The following ROBO1 variants were observed in gnomAD, a reference collection of about 807,000 sequenced individuals.
ROBO1 encodes roundabout guidance receptor 1, also known as roundabout homolog 1.
In ROBO1, 149 loss-of-function variants were observed where a neutral mutation model predicts 195.9. The observed-to-expected ratio is 0.76, with a 90% CI of 0.67 to 0.87. The LOEUF (loss-of-function observed/expected upper bound fraction) is 0.87, where lower values mean the gene tolerates loss of function less well. ROBO1 is among the 40% of genes least tolerant of loss of function. ROBO1 has a pLI of 0.00. For missense variants in ROBO1, 1,933 were observed against 2,068.3 expected, an observed-to-expected ratio of 0.93 and a Z score of 1.27; for synonymous variants, 816 against 733.2, an observed-to-expected ratio of 1.11 and a Z score of -1.82.
In ROBO1 at chr3:78,845,570, A is replaced by C. The variant is rs773296591; in HGVS notation, c.499+93031T>G. Among the ~76,000 whole-genome samples the C allele has an allele frequency of 6.3e-4, 96 of 152,136 alleles. 1 individual carries two copies. Among genetic ancestry groups the C allele is most frequent in the Admixed American group, 1.3e-4 (2 of 15,258 alleles). On this transcript the variant is annotated intron_variant, in intron 4 of 30. Coordinates refer to ENST00000464233, the MANE Select transcript of ROBO1 (RefSeq NM_002941.4). ...AAAAATATTTACTGGAAAGAAATTGAATAAATTATAGAAAATATTTTCATA... is the reference window on the plus strand; with the variant it reads ...AAAAATATTTACTGGAAAGAAATTGCATAAATTATAGAAAATATTTTCATA...
intron 1 of ROBO1, among the ~76,000 whole-genome samples, chr3:79,637,844 T>C (rs551675757): frequency 8.5e-5 from 13 of 152,286 alleles, no homozygotes; most frequent in East Asian, 3.9e-4. Context: ...TCAGGCACTC[T>C]GTGTATTCCA....
At chr3:78,658,274 A>G (rs1407489298) in intron 17 of ROBO1, among the ~76,000 whole-genome samples, 1 of 152,214 alleles carries the variant, frequency 6.6e-6, no homozygotes, top group Non-Finnish European at 1.5e-5. Flanking sequence ...TGATCTATAG[A>G]AAAACATGCT....
At chr3:79,647,583 T>G (rs1415028691) in intron 1 of ROBO1, among the ~76,000 whole-genome samples, 3 of 128,342 alleles carry the variant, frequency 2.3e-5, no homozygotes, top group East Asian at 2.3e-4. Context: ...ATCGGCATCT[T>G]GTAAGTAGAA....
chr3:79,038,337 C>G (rs1470433805), intron 3 of ROBO1, among the ~76,000 whole-genome samples: 3 of 152,148 alleles, frequency 2.0e-5, no homozygotes, highest in African/African-American at 7.2e-5. Flanking sequence ...GGTGACCTCC[C>G]TACAGTTATT....
intron 2 of ROBO1, among the ~76,000 whole-genome samples, chr3:79,409,572 T>A (rs1162302112): frequency 6.6e-6 from 1 of 152,114 alleles, no homozygotes; most frequent in Admixed American, 6.6e-5. Context: ...TCAAGCAAAA[T>A]TGTCTTAGTT....
At chr3:79,617,785 C>T (rs1944871466) in intron 1 of ROBO1, among the ~76,000 whole-genome samples, 2 of 132,236 alleles carry the variant, frequency 1.5e-5, no homozygotes, top group South Asian at 4.8e-4. Context: ...GAGGCCACTG[C>T]ACTCCAGCCT....
intron 2 of ROBO1, among the ~76,000 whole-genome samples, chr3:79,309,709 A>T (rs532558154): frequency 6.6e-6 from 1 of 152,312 alleles, no homozygotes; most frequent in East Asian, 1.9e-4. Flanking sequence ...AAGAGAATTT[A>T]AAAATGTATG....
chr3:79,183,928 C>T (rs1266147585), intron 2 of ROBO1, among the ~76,000 whole-genome samples: 1 of 152,206 alleles, frequency 6.6e-6, no homozygotes, highest in Non-Finnish European at 1.5e-5. Context: ...TCAATAAATA[C>T]ATGCATTTTT....
At chr3:78,673,605 T>TATATACACAC (rs779997525) in intron 10 of ROBO1, among the ~76,000 whole-genome samples, 1 of 53,280 alleles carries the variant, frequency 1.9e-5, no homozygotes, top group Admixed American at 2.8e-4. Context: ...TATATATATA[T>TATATACACAC]ACACACATAT....
At chr3:79,081,420 A>C (rs1303637086) in intron 3 of ROBO1, among the ~76,000 whole-genome samples, 2 of 152,170 alleles carry the variant, frequency 1.3e-5, no homozygotes, top group African/African-American at 4.8e-5. Flanking sequence ...ATCTTTGAGC[A>C]CAATAGTAAA....
At chr3:79,042,151 C>T (rs2078498801) in intron 3 of ROBO1, among the ~76,000 whole-genome samples, 2 of 152,190 alleles carry the variant, frequency 1.3e-5, no homozygotes, top group Admixed American at 1.3e-4. Context: ...CACATACATA[C>T]AGGTCCCAGA....
At chr3:79,185,606 C>T (rs765914080) in intron 2 of ROBO1, among the ~76,000 whole-genome samples, 5 of 152,040 alleles carry the variant, frequency 3.3e-5, no homozygotes, top group Non-Finnish European at 7.4e-5. Flanking sequence ...AATCTGTCTC[C>T]AGGGTACTTG....
intron 28 of ROBO1, among the ~76,000 whole-genome samples, chr3:78,613,865 C>G (rs1384033802): frequency 6.6e-6 from 1 of 152,078 alleles, no homozygotes; most frequent in Non-Finnish European, 1.5e-5. Flanking sequence ...TGCAGAGGAC[C>G]AGGAGGTGGG....
At chr3:79,456,889 G>T (rs2039635026) in intron 2 of ROBO1, among the ~76,000 whole-genome samples, 1 of 152,032 alleles carries the variant, frequency 6.6e-6, no homozygotes. Flanking sequence ...TCCAGGAAAG[G>T]TCTTGCTGTG....
intron 3 of ROBO1, among the ~76,000 whole-genome samples, chr3:79,122,890 G>A (rs1224764018): frequency 1.3e-5 from 2 of 151,736 alleles, no homozygotes; most frequent in Non-Finnish European, 2.9e-5. Flanking sequence ...GTTAGGGTGA[G>A]GGAGAAAAGT....
At chr3:79,666,397 G>T (rs1044146828) in intron 1 of ROBO1, among the ~76,000 whole-genome samples, 7 of 151,798 alleles carry the variant, frequency 4.6e-5, no homozygotes, top group Non-Finnish European at 1.0e-4. Context: ...TCTCTAATCA[G>T]GCTTTTATTT....
chr3:78,683,519 A>G (rs1368503653), intron 10 of ROBO1, among the ~76,000 whole-genome samples: 1 of 152,044 alleles, frequency 6.6e-6, no homozygotes, highest in African/African-American at 2.4e-5. Context: ...AAGACTTAGT[A>G]TAAGCTACAA....
chr3:79,477,906 C>T (rs1368764128), intron 2 of ROBO1, among the ~76,000 whole-genome samples: 2 of 152,118 alleles, frequency 1.3e-5, no homozygotes, highest in African/African-American at 2.4e-5. Context: ...CCTATGCATG[C>T]TTTTAACATT....
chr3:79,434,764 G>A (rs534687568), intron 2 of ROBO1, among the ~76,000 whole-genome samples: 41 of 152,126 alleles, frequency 2.7e-4, no homozygotes, highest in Non-Finnish European at 4.1e-4. Context: ...ACATGCACAC[G>A]TATGTTTATT....
Sources: gnomAD v4.1 joint callset for allele counts (sites outside exome capture counted in the v4.1 genomes callset) on GRCh38, gnomAD v4.1.1 for gene constraint, MANE v1.5 for transcripts, NCBI Gene and HGNC (gene_info 2026-07-23, HGNC 2026-07-21) for gene names.